Variants in RTL4 observed in about 807,000 individuals in gnomAD.
RTL4 encodes the protein retrotransposon Gag like 4, also known as retrotransposon Gag-like protein 4.
Under a neutral mutation model 5.3 loss-of-function variants are expected in RTL4, and 4 were observed. The ratio of observed to expected loss-of-function variants is 0.75; its 90% CI spans 0.37 to 1.72. The LOEUF is 1.72. Ranked by LOEUF, RTL4 falls within the 40% of genes most tolerant of loss-of-function variation. The pLI, the probability that RTL4 is intolerant of heterozygous loss-of-function variation, is 0.04. For missense variants in RTL4, 260 were observed against 227.1 expected, an observed-to-expected ratio of 1.14 and a Z score of -0.93; for synonymous variants, 98 against 87.3, an observed-to-expected ratio of 1.12 and a Z score of -0.68.
the RTL4 span, among the ~76,000 whole-genome samples, chrX:112,257,337 T>C: frequency 8.9e-6 from 1 of 111,754 alleles, no homozygotes; most frequent in Non-Finnish European, 1.9e-5. Flanking sequence ...CTGTGATATG[T>C]TGACAGATTG....
chrX:112,315,460 C>T, the RTL4 span, among the ~76,000 whole-genome samples: 2 of 111,466 alleles, frequency 1.8e-5, no homozygotes, highest in African/African-American at 3.3e-5. Context: ...AAAAGTAAAA[C>T]GTTTATTTGA....
the RTL4 span, among the ~76,000 whole-genome samples, chrX:112,336,069 A>G: frequency 9.0e-6 from 1 of 110,824 alleles, no homozygotes; most frequent in Non-Finnish European, 1.9e-5. Context: ...TGCTGGGATT[A>G]CAGGCCTGAG....
the RTL4 span, among the ~76,000 whole-genome samples, chrX:112,313,973 A>G: frequency 9.0e-6 from 1 of 111,474 alleles, no homozygotes; most frequent in East Asian, 2.8e-4. Context: ...ACTAAACACT[A>G]TAATATATAT....
chrX:112,346,137 T>C, the RTL4 span, among the ~76,000 whole-genome samples: 18 of 111,908 alleles, frequency 1.6e-4, no homozygotes, highest in Non-Finnish European at 2.8e-4. Flanking sequence ...GGGTAACTTT[T>C]TTCTCTGTTT....
At chrX:112,094,721 A>G in the RTL4 span, among the ~76,000 whole-genome samples, 1 of 111,789 alleles carries the variant, frequency 8.9e-6, no homozygotes, top group East Asian at 2.8e-4. Flanking sequence ...TATGGTGACC[A>G]AGGGAAGAAT....
the RTL4 span, among the ~76,000 whole-genome samples, chrX:112,303,500 T>G: frequency 0.044 from 4,524 of 102,313 alleles, 302 homozygotes; most frequent in African/African-American, 0.16. Context: ...AGTAAACTAT[T>G]GCAAGGACAA....
chrX:112,231,974 G>C, the RTL4 span, among the ~76,000 whole-genome samples: 1 of 111,912 alleles, frequency 8.9e-6, no homozygotes, highest in South Asian at 3.7e-4. Flanking sequence ...AGTAATCTAT[G>C]ATCATTAAAT....
the RTL4 span, among the ~76,000 whole-genome samples, chrX:112,334,108 C>A: frequency 9.0e-6 from 1 of 111,600 alleles, no homozygotes; most frequent in African/African-American, 3.3e-5. Flanking sequence ...CCAGTTCCAT[C>A]CATGTTGTTG....
the RTL4 span, among the ~76,000 whole-genome samples, chrX:112,283,961 T>C: frequency 9.1e-6 from 1 of 110,165 alleles, no homozygotes; most frequent in Non-Finnish European, 1.9e-5. Context: ...GGTGCACACA[T>C]CCTCAAGTGA....
chrX:112,270,356 G>C, the RTL4 span, among the ~76,000 whole-genome samples: 2 of 112,466 alleles, frequency 1.8e-5, no homozygotes, highest in Admixed American at 1.9e-4. Flanking sequence ...CACATATCTG[G>C]ATATCTGTTT....
chrX:112,131,647 T>C, the RTL4 span, among the ~76,000 whole-genome samples: 1 of 111,545 alleles, frequency 9.0e-6, no homozygotes, highest in Admixed American at 9.5e-5. Context: ...AGTTGCTTCA[T>C]GTGTTCCTCT....
chrX:112,271,076 C>A, the RTL4 span, among the ~76,000 whole-genome samples: 10 of 98,993 alleles, frequency 1.0e-4, no homozygotes, highest in Non-Finnish European at 6.0e-5. Flanking sequence ...AAAAAACCCA[C>A]AATGGAACAA....
At chrX:112,149,507 G>A in the RTL4 span, among the ~76,000 whole-genome samples, 3 of 111,187 alleles carry the variant, frequency 2.7e-5, no homozygotes, top group Admixed American at 9.6e-5. Context: ...CTAGGCAGAG[G>A]GTATAGGACA....
chrX:112,255,023 T>C, the RTL4 span, among the ~76,000 whole-genome samples: 8 of 111,785 alleles, frequency 7.2e-5, no homozygotes, highest in South Asian at 3.0e-3. Flanking sequence ...AGGACATAAC[T>C]TACACGTCTC....
chrX:112,330,042 C>T, the RTL4 span, among the ~76,000 whole-genome samples: 2 of 102,015 alleles, frequency 2.0e-5, no homozygotes, highest in Non-Finnish European at 4.0e-5. Flanking sequence ...GACAAACCCA[C>T]AGCCAATATC....
At chrX:112,232,933 A>G in the RTL4 span, among the ~76,000 whole-genome samples, 1 of 111,123 alleles carries the variant, frequency 9.0e-6, no homozygotes, top group African/African-American at 3.3e-5. Context: ...TTCTCAGGAT[A>G]GGGGGATGGT....
At chrX:112,236,398 A>AATATAGATATAGATCTATATCTAT in the RTL4 span, among the ~76,000 whole-genome samples, 15 of 67,368 alleles carry the variant, frequency 2.2e-4, no homozygotes, top group African/African-American at 6.2e-4. Flanking sequence ...ATATATATAT[A>AATATAGATATAGATCTATATCTAT]ATATAGATAT....
chrX:112,226,971 T>TAAATAA, the RTL4 span, among the ~76,000 whole-genome samples: 12 of 74,912 alleles, frequency 1.6e-4, no homozygotes, highest in Non-Finnish European at 2.5e-4. Flanking sequence ...TAAAATAAAA[T>TAAATAA]AATAAAATAA....
the RTL4 span, among the ~76,000 whole-genome samples, chrX:112,373,837 A>G: frequency 3.3e-4 from 37 of 110,804 alleles, no homozygotes; most frequent in African/African-American, 1.1e-3. Context: ...GCTATACATT[A>G]GATCTGTCTT....
Sources: gnomAD v4.1 joint callset for allele counts (sites outside exome capture counted in the v4.1 genomes callset) on GRCh38, gnomAD v4.1.1 for gene constraint, MANE v1.5 for transcripts, NCBI Gene and HGNC (gene_info 2026-07-23, HGNC 2026-07-21) for gene names.